Variants in PDE1C observed in about 807,000 individuals in gnomAD.
PDE1C encodes dual specificity calcium/calmodulin-dependent 3',5'-cyclic nucleotide phosphodiesterase 1C.
In PDE1C, 62 loss-of-function variants were observed where a neutral mutation model predicts 93.1. That is an observed-to-expected ratio of 0.67 (90% confidence interval 0.54 to 0.82). The LOEUF (loss-of-function observed/expected upper bound fraction) is 0.82, where lower values mean the gene tolerates loss of function less well. Ranked by LOEUF, PDE1C falls within the 40% of genes least tolerant of loss-of-function variation. PDE1C has a pLI of 0.00. For missense variants in PDE1C, 742 were observed against 884.6 expected (o/e 0.84, Z 2.04); for synonymous variants, 325 against 310.1 (o/e 1.05, Z -0.50).
At chr7:31,987,762 C>T (rs538309388) in intron 2 of PDE1C, among the ~76,000 whole-genome samples, 2 of 152,270 alleles carry the variant, frequency 1.3e-5, no homozygotes, top group South Asian at 4.1e-4. Context: ...GTAATAAAAT[C>T]CCTCTGAATG....
At chr7:32,356,060 A>C in intron 1 of PDE1C, among the ~76,000 whole-genome samples, 1 of 152,252 alleles carries the variant, frequency 6.6e-6, no homozygotes, top group East Asian at 1.9e-4. Flanking sequence ...ACCTATGCAC[A>C]GAGTAGACAA....
At chr7:32,115,902 G>T (rs1366502292) in intron 3 of PDE1C, among the ~76,000 whole-genome samples, 1 of 152,188 alleles carries the variant, frequency 6.6e-6, no homozygotes, top group African/African-American at 2.4e-5. Flanking sequence ...CCAGGGGAAA[G>T]ATGTGACTTG....
intron 2 of PDE1C, among the ~76,000 whole-genome samples, chr7:32,013,495 T>C (rs370926753): frequency 3.6e-4 from 55 of 152,324 alleles, no homozygotes; most frequent in African/African-American, 1.3e-3. Context: ...CTGGTTTCCA[T>C]TGGCTGGAAT....
intron 2 of PDE1C, among the ~76,000 whole-genome samples, chr7:31,986,929 A>ACACACACACAC (rs1783484801): frequency 2.7e-5 from 4 of 149,792 alleles, no homozygotes; most frequent in African/African-American, 9.8e-5. Context: ...ATTGAACACG[A>ACACACACACAC]ACACACACAC....
At chr7:31,806,647 C>T (rs1032595336) in intron 16 of PDE1C, among the ~76,000 whole-genome samples, 2 of 151,904 alleles carry the variant, frequency 1.3e-5, no homozygotes, top group Admixed American at 6.6e-5. Context: ...CCTGTGCATG[C>T]CCTGGCTCAT....
chr7:32,119,298 G>T (rs1799159693), intron 3 of PDE1C, among the ~76,000 whole-genome samples: 1 of 152,110 alleles, frequency 6.6e-6, no homozygotes, highest in South Asian at 2.1e-4. Flanking sequence ...AAAGCCCCAG[G>T]TTACGCCAAG....
chr7:32,340,974 G>T (rs1229167207), intron 1 of PDE1C, among the ~76,000 whole-genome samples: 1 of 152,018 alleles, frequency 6.6e-6, no homozygotes, highest in Admixed American at 6.6e-5. Flanking sequence ...GCAACACCAA[G>T]AATGGCCCCT....
chr7:31,797,370 A>C (rs1396915251), intron 16 of PDE1C, among the ~76,000 whole-genome samples: 2 of 151,766 alleles, frequency 1.3e-5, no homozygotes, highest in Non-Finnish European at 2.9e-5. Context: ...GACCTAAGAA[A>C]TATTATCCTT....
At chr7:31,804,108 G>A (rs935014384) in intron 16 of PDE1C, among the ~76,000 whole-genome samples, 1 of 151,708 alleles carries the variant, frequency 6.6e-6, no homozygotes, top group African/African-American at 2.4e-5. Context: ...CACCTTGTTG[G>A]GTGCTGGATA....
chr7:32,371,000 C>CA lies in PDE1C; in HGVS notation c.310+56821dup, dbSNP rs548885265. ...CATATTCTCACTCATATATGGAAGT[C>CA]AAAAAAAAAAAAAAGTTGATCTCAA... On this transcript the variant is annotated intron_variant, in intron 1 of 1. Coordinates refer to the PDE1C transcript ENST00000672256. 2.9e-3 allele frequency among the ~76,000 whole-genome samples: 387 copies of CA among 133,496 alleles called. 2 individuals carry two copies. In the East Asian group the frequency reaches 0.029, roughly 10 times the overall value. 87.6% of individuals were successfully genotyped at this position (133,496 alleles called of 152,430 possible).
At chr7:31,964,838 G>A (rs1809649834) in intron 2 of PDE1C, among the ~76,000 whole-genome samples, 1 of 152,206 alleles carries the variant, frequency 6.6e-6, no homozygotes, top group South Asian at 2.1e-4. Flanking sequence ...CTGATACCCA[G>A]GCAAACAGGG....
chr7:31,793,676 G>A (rs984641181), intron 16 of PDE1C, among the ~76,000 whole-genome samples: 4 of 144,616 alleles, frequency 2.8e-5, no homozygotes, highest in African/African-American at 1.0e-4. Flanking sequence ...ATGGGTCCTC[G>A]TTTTTTTTTT....
intron 1 of PDE1C, among the ~76,000 whole-genome samples, chr7:32,233,542 A>G (rs919107083): frequency 2.0e-5 from 3 of 152,150 alleles, no homozygotes; most frequent in African/African-American, 4.8e-5. Flanking sequence ...CTGTATTACT[A>G]TCAGACAAAG....
chr7:31,647,514 A>C, the PDE1C span, among the ~76,000 whole-genome samples: 3 of 151,708 alleles, frequency 2.0e-5, no homozygotes, highest in African/African-American at 7.3e-5. Flanking sequence ...CTACAAAAAA[A>C]AAAAAAAAAA....
At chr7:32,184,583 G>A (rs1265352832) in intron 2 of PDE1C, among the ~76,000 whole-genome samples, 2 of 152,110 alleles carry the variant, frequency 1.3e-5, no homozygotes, top group Non-Finnish European at 2.9e-5. Flanking sequence ...CTCACTCATA[G>A]GTGAGAATTG....
At chr7:32,353,550 GT>G (rs200562811) in intron 1 of PDE1C, among the ~76,000 whole-genome samples, 1 of 35,756 alleles carries the variant, frequency 2.8e-5, no homozygotes, top group Admixed American at 5.1e-4. Flanking sequence ...ATTGCCTGTA[GT>G]TTTTGTTTTT....
chr7:32,251,100 G>A (rs557487340), intron 1 of PDE1C, among the ~76,000 whole-genome samples: 2 of 152,344 alleles, frequency 1.3e-5, no homozygotes, highest in South Asian at 4.1e-4. Context: ...CACACACAAG[G>A]CTAATGCTAA....
intron 2 of PDE1C, among the ~76,000 whole-genome samples, chr7:32,183,817 A>C (rs1048958703): frequency 6.6e-6 from 1 of 152,180 alleles, no homozygotes; most frequent in African/African-American, 2.4e-5. Flanking sequence ...TAATTAAACT[A>C]AAGAGCTTCT....
At chr7:31,861,538 A>G (rs901690013) in intron 7 of PDE1C, among the ~76,000 whole-genome samples, 4 of 151,900 alleles carry the variant, frequency 2.6e-5, no homozygotes, top group Non-Finnish European at 4.4e-5. Flanking sequence ...AGAATTCTTG[A>G]TCCCCTTTCC....
Sources: allele counts gnomAD v4.1 joint callset (sites outside exome capture counted in the v4.1 genomes callset), GRCh38; gene constraint gnomAD v4.1.1; transcripts MANE v1.5; gene names NCBI Gene and HGNC (gene_info 2026-07-23, HGNC 2026-07-21).